The following POU2F1 variants were observed in gnomAD, a reference collection of about 807,000 sequenced individuals.
The protein encoded by POU2F1 is POU domain, class 2, transcription factor 1.
Under a neutral mutation model 84.9 loss-of-function variants are expected in POU2F1, and 16 were observed. The ratio of observed to expected loss-of-function variants is 0.19; its 90% CI spans 0.13 to 0.29. The LOEUF (loss-of-function observed/expected upper bound fraction) is 0.29. POU2F1 is among the 10% of genes least tolerant of loss of function. POU2F1 has a pLI of 1.00. For synonymous variants in POU2F1, 368 were observed against 368.3 expected (o/e 1.00, Z 0.01); for missense variants, 738 against 942.6 (o/e 0.78, Z 2.84).
chr1:167,369,451 C>T (rs1440581154), intron 3 of POU2F1, among the ~76,000 whole-genome samples: 2 of 152,128 alleles, frequency 1.3e-5, no homozygotes, highest in Admixed American at 6.5e-5. Context: ...GATTTCTCAC[C>T]CATTAGTTAT....
At chr1:167,353,437 G>T (rs1658715311) in intron 2 of POU2F1, among the ~76,000 whole-genome samples, 1 of 150,808 alleles carries the variant, frequency 6.6e-6, no homozygotes, top group African/African-American at 2.4e-5. Flanking sequence ...TACCCTTCAG[G>T]TTTCTGCCCT....
chr1:167,350,538 A>G (rs1658484809), intron 2 of POU2F1, among the ~76,000 whole-genome samples: 1 of 152,038 alleles, frequency 6.6e-6, no homozygotes, highest in African/African-American at 2.4e-5. Context: ...TTAAAGTGTC[A>G]TGATTTCCTT....
chr1:167,298,650 T>C (rs530770948), intron 1 of POU2F1, among the ~76,000 whole-genome samples: 1 of 152,298 alleles, frequency 6.6e-6, no homozygotes, highest in East Asian at 1.9e-4. Flanking sequence ...AAAATATAAT[T>C]TTAAGAGTCC....
chr1:167,350,538 A>C (rs1658484809), intron 2 of POU2F1, among the ~76,000 whole-genome samples: 1 of 152,038 alleles, frequency 6.6e-6, no homozygotes, highest in South Asian at 2.1e-4. Flanking sequence ...TTAAAGTGTC[A>C]TGATTTCCTT....
intron 1 of POU2F1, among the ~76,000 whole-genome samples, chr1:167,243,903 C>G (rs927007612): frequency 2.0e-5 from 3 of 152,190 alleles, no homozygotes; most frequent in African/African-American, 7.2e-5. Context: ...ATTTCAGCAC[C>G]TGTTACATAG....
intron 3 of POU2F1, among the ~76,000 whole-genome samples, chr1:167,368,753 C>T (rs1245121554): frequency 6.6e-6 from 1 of 152,166 alleles, no homozygotes; most frequent in African/African-American, 2.4e-5. Flanking sequence ...CATCTACTAA[C>T]AGGACTAGCA....
intron 7 of POU2F1, among the ~76,000 whole-genome samples, chr1:167,376,963 A>G (rs1660369031): frequency 6.6e-6 from 1 of 152,228 alleles, no homozygotes; most frequent in African/African-American, 2.4e-5. Context: ...GAACCAAGCA[A>G]AGAGACCCCT....
At position 167,365,574 on chromosome 1, in the gene POU2F1, A is replaced by G. The variant is rs765519081; in HGVS notation, c.228+7A>G. 5.1e-5 allele frequency: 81 copies of G among 1,574,664 alleles called. No individual in the cohort carries two copies. The highest frequency in any genetic ancestry group is 6.8e-5 in the Non-Finnish European group (79 of 1,158,272). On this transcript the variant is annotated splice_region_variant and intron_variant, in intron 3 of 15. Transcript: ENST00000367866. Reference sequence around the variant, plus strand: ...CCTTGGACATCTCCATCAGGTAGGAATGTTCTGCTCAACCATCAGTGAGAG... The same window carrying G: ...CCTTGGACATCTCCATCAGGTAGGAGTGTTCTGCTCAACCATCAGTGAGAG...
intron 1 of POU2F1, among the ~76,000 whole-genome samples, chr1:167,278,389 T>TACTC (rs1652885708): frequency 6.6e-6 from 1 of 152,250 alleles, no homozygotes; most frequent in African/African-American, 2.4e-5. Flanking sequence ...TTGTCTGCTT[T>TACTC]ACTCACTGCT....
At chr1:167,278,967 T>C (rs556680718) in intron 1 of POU2F1, among the ~76,000 whole-genome samples, 1 of 152,354 alleles carries the variant, frequency 6.6e-6, no homozygotes, top group East Asian at 1.9e-4. Context: ...TTCATTTGAT[T>C]GTAATTAGTT....
At chr1:167,221,832 G>A (rs1648224767) in intron 1 of POU2F1, among the ~76,000 whole-genome samples, 1 of 151,956 alleles carries the variant, frequency 6.6e-6, no homozygotes, top group African/African-American at 2.4e-5. Context: ...CCCCTGGGGG[G>A]TGGACTGGAT....
chr1:167,279,726 C>A (rs1025741023), intron 1 of POU2F1, among the ~76,000 whole-genome samples: 2 of 151,682 alleles, frequency 1.3e-5, no homozygotes, highest in African/African-American at 2.4e-5. Flanking sequence ...TCAAAAAAAA[C>A]CATATGTTCC....
intron 2 of POU2F1, among the ~76,000 whole-genome samples, chr1:167,352,638 T>G (rs1658655851): frequency 6.6e-6 from 1 of 152,240 alleles, no homozygotes; most frequent in Admixed American, 6.5e-5. Context: ...AAAAAATTTC[T>G]TATTTGTAAA....
chr1:167,281,681 C>T (rs888936826), intron 1 of POU2F1, among the ~76,000 whole-genome samples: 16 of 152,184 alleles, frequency 1.1e-4, no homozygotes, highest in African/African-American at 3.1e-4. Flanking sequence ...GTGTAGGCTA[C>T]GGTCTGGTTA....
chr1:167,383,694 A>G (rs1647735793), intron 7 of POU2F1, 163 bp from the exon 8 acceptor site: 1 of 584,664 alleles, frequency 1.7e-6, no homozygotes, highest in African/African-American at 1.9e-5. Context: ...GTTGTAAAAC[A>G]AGATTGAATG....
intron 1 of POU2F1, among the ~76,000 whole-genome samples, chr1:167,227,793 A>G (rs1453416414): frequency 2.0e-5 from 3 of 152,258 alleles, no homozygotes; most frequent in African/African-American, 4.8e-5. Context: ...ACATATTAAA[A>G]TATGTAACAG....
intron 7 of POU2F1, among the ~76,000 whole-genome samples, chr1:167,378,493 A>G (rs938025165): frequency 2.1e-5 from 3 of 143,858 alleles, no homozygotes; most frequent in Non-Finnish European, 4.5e-5. Context: ...TGCAACCTCT[A>G]CCTCCTGTGT....
chr1:167,238,320 A>G (rs1649655060), intron 1 of POU2F1, among the ~76,000 whole-genome samples: 1 of 152,172 alleles, frequency 6.6e-6, no homozygotes. Context: ...GTGGGGCCCA[A>G]ATACTCTGTA....
chr1:167,399,117 G>GA, intron 11 of POU2F1, 69 bp from the exon 12 acceptor site: 1 of 1,453,806 alleles, frequency 6.9e-7, no homozygotes, highest in Non-Finnish European at 9.3e-7. Flanking sequence ...AACCTGACGT[G>GA]ATTATGCCAG....
Sources: allele counts gnomAD v4.1 joint callset (sites outside exome capture counted in the v4.1 genomes callset), GRCh38; gene constraint gnomAD v4.1.1; transcripts MANE v1.5; gene names NCBI Gene and HGNC (gene_info 2026-07-23, HGNC 2026-07-21).